Variants in POR observed in about 807,000 individuals in gnomAD.
The protein encoded by POR is cytochrome p450 oxidoreductase, also known as NADPH--cytochrome P450 reductase.
Under a neutral mutation model 84.0 loss-of-function variants are expected in POR, and 56 were observed. That is an observed-to-expected ratio of 0.67 (90% CI 0.54 to 0.83). The LOEUF (loss-of-function observed/expected upper bound fraction) is 0.83, where lower values mean the gene tolerates loss of function less well. Ranked by LOEUF, POR falls within the 40% of genes least tolerant of loss-of-function variation. The pLI, the probability that POR is intolerant of heterozygous loss-of-function variation, is 0.00. For synonymous variants in POR, 414 were observed against 400.5 expected (o/e 1.03, Z -0.40); for missense variants, 938 against 944.3 (o/e 0.99, Z 0.09).
chr7:75,971,537 G>A (rs1404521425), intron 2 of POR, among the ~76,000 whole-genome samples: 1 of 149,618 alleles, frequency 6.7e-6, no homozygotes, highest in Non-Finnish European at 1.5e-5. Context: ...AAGGCCAGAA[G>A]TGGACAGTGG....
chr7:75,935,093 G>T (rs1807601525), intron 1 of POR, among the ~76,000 whole-genome samples: 1 of 152,180 alleles, frequency 6.6e-6, no homozygotes, highest in South Asian at 2.1e-4. Flanking sequence ...CACAGGCTGT[G>T]AGAGCAGCCT....
intron 1 of POR, among the ~76,000 whole-genome samples, chr7:75,926,586 G>C: frequency 6.6e-6 from 1 of 151,938 alleles, no homozygotes; most frequent in Admixed American, 6.6e-5. Context: ...ACCTGAGGTC[G>C]CGAGTTCGAG....
intron 2 of POR, among the ~76,000 whole-genome samples, chr7:75,968,995 A>G (rs1585118025): frequency 2.6e-5 from 4 of 152,300 alleles, no homozygotes; most frequent in African/African-American, 9.6e-5. Context: ...GCCGTTTTCT[A>G]TTCCTGAGAA....
intron 1 of POR, among the ~76,000 whole-genome samples, chr7:75,950,321 A>G (rs1325929137): frequency 1.3e-5 from 2 of 152,236 alleles, no homozygotes; most frequent in Non-Finnish European, 2.9e-5. Flanking sequence ...GCCATGAGTT[A>G]TGCAATCAGC....
intron 2 of POR, among the ~76,000 whole-genome samples, chr7:75,971,937 C>T (rs1276581735): frequency 1.3e-5 from 2 of 151,718 alleles, no homozygotes; most frequent in Non-Finnish European, 2.9e-5. Flanking sequence ...TCCCATGGGT[C>T]GTGGGAGCTG....
Position 75,972,475 on chromosome 7 carries a change from A to T in POR, c.237+14A>T. 1.9e-6 allele frequency: 3 copies of T among 1,596,780 alleles called. No individual in the cohort carries two copies. The highest frequency in any genetic ancestry group is 2.6e-6 in the Non-Finnish European group (3 of 1,170,670). ...ATGAAGAAAACGGTGAGTTTCCTGCATGTCTTTACTCTTCTCAGGAAGCCT... is the reference window on the plus strand; with the variant it reads ...ATGAAGAAAACGGTGAGTTTCCTGCTTGTCTTTACTCTTCTCAGGAAGCCT... On this transcript the variant is annotated intron_variant, in intron 3 of 15. Transcript: ENST00000461988.
chr7:75,929,179 C>G (rs1343802825), intron 1 of POR, among the ~76,000 whole-genome samples: 1 of 152,144 alleles, frequency 6.6e-6, no homozygotes, highest in Non-Finnish European at 1.5e-5. Context: ...TTTAGTAACC[C>G]TACTGCCCAC....
At chr7:75,983,233 C>T (rs1255694189) in intron 8 of POR, 5 of 335,218 alleles carry the variant, frequency 1.5e-5, no homozygotes, top group Non-Finnish European at 2.2e-5. Context: ...TCCAGCTGCT[C>T]AGGAGGCTGA....
chr7:75,946,079 G>C (rs1554552097), intron 1 of POR, among the ~76,000 whole-genome samples: 1 of 152,156 alleles, frequency 6.6e-6, no homozygotes, highest in Non-Finnish European at 1.5e-5. Flanking sequence ...TGTTGCCCTT[G>C]ATTGCTACCT....
chr7:75,921,699 T>C lies in POR; in HGVS notation c.-5+6520T>C, dbSNP rs116234779. ...TTCCAAGATCTGTCCATGGTACCATTGCTGGTTGATCTTGGAACCCTGCTT... is the reference window on the plus strand; with the variant it reads ...TTCCAAGATCTGTCCATGGTACCATCGCTGGTTGATCTTGGAACCCTGCTT... On this transcript the variant is annotated intron_variant, in intron 1 of 15. Transcript: ENST00000461988. Among the ~76,000 whole-genome samples the C allele has an allele frequency of 4.2e-3, 637 of 152,260 alleles. 7 individuals are homozygous for C. Among genetic ancestry groups the C allele is most frequent in the African/African-American group, 0.014 (600 of 41,552 alleles).
intron 7 of POR, chr7:75,981,940 C>T (rs1412387305): frequency 1.8e-6 from 1 of 569,780 alleles, no homozygotes; most frequent in Non-Finnish European, 3.1e-6. Context: ...CCTTGATGGC[C>T]CCTGGGTGCT....
intron 1 of POR, among the ~76,000 whole-genome samples, chr7:75,926,544 C>T (rs1474860064): frequency 6.6e-6 from 1 of 152,058 alleles, no homozygotes; most frequent in Non-Finnish European, 1.5e-5. Context: ...ACCTGTAATC[C>T]CAGCACTTTG....
chr7:75,934,580 A>G (rs1437491780), intron 1 of POR, among the ~76,000 whole-genome samples: 2 of 152,090 alleles, frequency 1.3e-5, no homozygotes, highest in Non-Finnish European at 2.9e-5. Context: ...GACTGTGGGG[A>G]AAAAAAGGCC....
chr7:75,922,619 T>G (rs1024824084), intron 1 of POR: 1 of 194,838 alleles, frequency 5.1e-6, no homozygotes, highest in Non-Finnish European at 1.0e-5. Flanking sequence ...CCACTGCGCC[T>G]GGCCTGGTCT....
At chr7:75,942,269 C>T (rs1457061464) in intron 1 of POR, among the ~76,000 whole-genome samples, 1 of 152,158 alleles carries the variant, frequency 6.6e-6, no homozygotes, top group East Asian at 1.9e-4. Context: ...CATTGGGGTT[C>T]TGAATTAGTG....
chr7:75,983,891 AGGCAGCCGCGGGATT>A, intron 10 of POR, 35 bp downstream of exon 10: 1 of 1,520,554 alleles, frequency 6.6e-7, no homozygotes, highest in African/African-American at 1.4e-5. Context: ...TGCCGGGCTC[AGGCAGCCGCGGGATT>A]GGGCCTGTAG....
At chr7:75,978,460 T>G (rs531089151) in intron 3 of POR, among the ~76,000 whole-genome samples, 2 of 152,354 alleles carry the variant, frequency 1.3e-5, no homozygotes, top group South Asian at 2.1e-4. Context: ...TTGGAGGATG[T>G]GTGTAGGCTA....
chr7:75,926,183 G>A (rs1165915494), intron 1 of POR, among the ~76,000 whole-genome samples: 2 of 139,266 alleles, frequency 1.4e-5, no homozygotes, highest in African/African-American at 6.3e-5. Flanking sequence ...TTTTTGCAGA[G>A]ATGGGGTCTT....
chr7:75,953,933 C>T, intron 1 of POR, 56 bp from the exon 2 acceptor site: 1 of 1,413,486 alleles, frequency 7.1e-7, no homozygotes, highest in Non-Finnish European at 9.6e-7. Context: ...CCCCAGCCAG[C>T]CTCAGGGGCA....
Sources: gnomAD v4.1 joint callset for allele counts (sites outside exome capture counted in the v4.1 genomes callset) on GRCh38, gnomAD v4.1.1 for gene constraint, MANE v1.5 for transcripts, NCBI Gene and HGNC (gene_info 2026-07-23, HGNC 2026-07-21) for gene names.